The following TBC1D4 variants were observed in gnomAD, a reference collection of about 807,000 sequenced individuals.
TBC1D4 encodes TBC (Tre-2, BUB2, CDC16) domain-containing protein.
In TBC1D4, 121 loss-of-function variants were observed where a neutral mutation model predicts 142.5. That is an observed-to-expected ratio of 0.85 (90% CI 0.73 to 0.99). The LOEUF (loss-of-function observed/expected upper bound fraction) is 0.99, where lower values mean the gene tolerates loss of function less well. Among genes scored for constraint, TBC1D4 ranks in the 50% least tolerant of loss-of-function variants. The pLI is 0.00. For missense variants in TBC1D4, 1,475 were observed against 1,606.6 expected (o/e 0.92, Z 1.40); for synonymous variants, 630 against 628.2 (o/e 1.00, Z -0.04).
intron 1 of TBC1D4, among the ~76,000 whole-genome samples, chr13:75,475,502 T>C (rs1377063108): frequency 6.6e-6 from 1 of 152,256 alleles, no homozygotes; most frequent in Non-Finnish European, 1.5e-5. Flanking sequence ...AGTAATTATT[T>C]AGGCTGGCCA....
At chr13:75,309,832 C>T in intron 14 of TBC1D4, 110 bp downstream of exon 14, 1 of 1,020,402 alleles carries the variant, frequency 9.8e-7, no homozygotes, top group Admixed American at 2.0e-5. Context: ...TTAAAGTGTG[C>T]ATACAGTCCA....
chr13:75,385,059 A>C (rs1238380032), intron 1 of TBC1D4, among the ~76,000 whole-genome samples: 3 of 152,188 alleles, frequency 2.0e-5, no homozygotes, highest in Non-Finnish European at 2.9e-5. Context: ...GGAACAAAGC[A>C]TAGACTGCTC....
intron 12 of TBC1D4, among the ~76,000 whole-genome samples, chr13:75,315,139 C>T (rs990822214): frequency 1.3e-5 from 2 of 151,544 alleles, no homozygotes; most frequent in South Asian, 4.2e-4. Flanking sequence ...AAAATCCTGT[C>T]TCTACTGAAA....
At chr13:75,291,277 T>A (rs1331300728) in intron 19 of TBC1D4, among the ~76,000 whole-genome samples, 1 of 152,078 alleles carries the variant, frequency 6.6e-6, no homozygotes, top group East Asian at 1.9e-4. Context: ...GGTTGGGTAT[T>A]TCTTCCCTGA....
At chr13:75,417,293 T>C (rs1179236151) in intron 1 of TBC1D4, among the ~76,000 whole-genome samples, 4 of 152,118 alleles carry the variant, frequency 2.6e-5, no homozygotes, top group Admixed American at 1.3e-4. Flanking sequence ...TCCAGCCTCA[T>C]GTGCAGGCTG....
At chr13:75,442,214 G>C (rs1887072763) in intron 1 of TBC1D4, among the ~76,000 whole-genome samples, 1 of 152,172 alleles carries the variant, frequency 6.6e-6, no homozygotes, top group Non-Finnish European at 1.5e-5. Context: ...CTCTTTTACA[G>C]TTAACATCTT....
intron 1 of TBC1D4, among the ~76,000 whole-genome samples, chr13:75,409,809 CT>C (rs2138389680): frequency 6.6e-6 from 1 of 152,258 alleles, no homozygotes; most frequent in African/African-American, 2.4e-5. Flanking sequence ...TTAGCGAACC[CT>C]TTGCTAGATA....
At chr13:75,480,624 C>A (rs746568435) in intron 1 of TBC1D4, among the ~76,000 whole-genome samples, 6 of 152,132 alleles carry the variant, frequency 3.9e-5, no homozygotes, top group South Asian at 4.2e-4. Context: ...GTTTAAAAAC[C>A]GCAAAAAAAG....
At chr13:75,296,479 C>G (rs1190580848) in intron 17 of TBC1D4, among the ~76,000 whole-genome samples, 1 of 152,070 alleles carries the variant, frequency 6.6e-6, no homozygotes, top group Non-Finnish European at 1.5e-5. Flanking sequence ...TCCCACCTAC[C>G]CTGCCGCACA....
intron 11 of TBC1D4, among the ~76,000 whole-genome samples, chr13:75,322,301 G>A (rs1878844903): frequency 6.6e-6 from 1 of 152,110 alleles, no homozygotes; most frequent in Admixed American, 6.5e-5. Context: ...AGAAAACAAG[G>A]ATTTTTTAAT....
At chr13:75,404,063 T>TACACACACACACACACACACAC (rs1345766063) in intron 1 of TBC1D4, among the ~76,000 whole-genome samples, 4,084 of 148,956 alleles carry the variant, frequency 0.027, 198 homozygotes, top group African/African-American at 0.096. Flanking sequence ...TATATATACA[T>TACACACACACACACACACACAC]ACACACACAC....
chr13:75,457,945 G>A (rs1887807316), intron 1 of TBC1D4, among the ~76,000 whole-genome samples: 1 of 152,152 alleles, frequency 6.6e-6, no homozygotes, highest in Admixed American at 6.5e-5. Flanking sequence ...GCAGGTGCAG[G>A]AGCCAGGGTA....
chr13:75,430,099 A>T (rs1886535271), intron 1 of TBC1D4, among the ~76,000 whole-genome samples: 1 of 152,208 alleles, frequency 6.6e-6, no homozygotes, highest in Admixed American at 6.5e-5. Context: ...AGAAAAAGAA[A>T]ATTATGACAA....
intron 5 of TBC1D4, among the ~76,000 whole-genome samples, chr13:75,348,070 G>A (rs1881297602): frequency 6.6e-6 from 1 of 152,194 alleles, no homozygotes; most frequent in African/African-American, 2.4e-5. Flanking sequence ...GAAGCTGGTA[G>A]GTAGAGGCTG....
At chr13:75,379,591 C>T (rs796916995) in intron 1 of TBC1D4, among the ~76,000 whole-genome samples, 1 of 152,194 alleles carries the variant, frequency 6.6e-6, no homozygotes, top group African/African-American at 2.4e-5. Flanking sequence ...ACCAAAATGT[C>T]GATTTGACTT....
chr13:75,365,666 G>A (rs780085378), intron 1 of TBC1D4, among the ~76,000 whole-genome samples: 2 of 152,104 alleles, frequency 1.3e-5, no homozygotes, highest in African/African-American at 2.4e-5. Flanking sequence ...ATTGTTGAAC[G>A]AATTTGAATC....
At position 75,324,303 on chromosome 13, in the gene TBC1D4, G is replaced by C. The variant is rs367949732; in HGVS notation, c.2132C>G (p.Pro711Arg). ...TSFSAPSFTA[P>R]SFLKSFYQNS... ...CTGGTAAAAGCTTTTCAGGAAAGAG[G>C]GGGCAGTGAAGGAAGGGGCAGAGAA... is the stretch of plus-strand genomic sequence containing the variant. The change falls in exon 11 of 21, where the codon CCC becomes CGC. Residue 711 changes from proline to arginine, a missense_variant. Physicochemically the swap from Pro to Arg is moderately radical, Grantham distance 103 (BLOSUM62 -2). Coordinates refer to ENST00000377636, the MANE Select transcript of TBC1D4 (RefSeq NM_014832.5). 3 of 1,613,842 alleles carry C rather than the reference G, an allele frequency of 1.9e-6. No individual in the cohort carries two copies. Among genetic ancestry groups the C allele is most frequent in the Admixed American group, 1.7e-5 (1 of 59,992 alleles).
chr13:75,353,037 G>A (rs761340421), intron 4 of TBC1D4, among the ~76,000 whole-genome samples: 3 of 152,140 alleles, frequency 2.0e-5, no homozygotes, highest in Non-Finnish European at 2.9e-5. Context: ...AATTAAACAT[G>A]GTTTGAGAGA....
chr13:75,350,432 C>T (rs1422553892), intron 4 of TBC1D4, among the ~76,000 whole-genome samples: 3 of 152,088 alleles, frequency 2.0e-5, no homozygotes, highest in Non-Finnish European at 2.9e-5. Flanking sequence ...TATTCAGTTA[C>T]GTTTTGTTAT....
Sources: gnomAD v4.1 joint callset for allele counts (sites outside exome capture counted in the v4.1 genomes callset) on GRCh38, gnomAD v4.1.1 for gene constraint, MANE v1.5 for transcripts, NCBI Gene and HGNC (gene_info 2026-07-23, HGNC 2026-07-21) for gene names.